Variants in NAALADL2 observed in about 807,000 individuals in gnomAD.
The protein encoded by NAALADL2 is N-acetylated alpha-linked acidic dipeptidase like 2.
In NAALADL2, 76 loss-of-function variants were observed where a neutral mutation model predicts 87.2. That is an observed-to-expected ratio of 0.87 (90% confidence interval 0.72 to 1.05). NAALADL2 has a LOEUF of 1.05. Among genes scored for constraint, NAALADL2 ranks in the 50% least tolerant of loss-of-function variants. NAALADL2 has a pLI of 0.00. For missense variants in NAALADL2, 1,089 were observed against 945.8 expected (o/e 1.15, Z -1.99); for synonymous variants, 354 against 331.0 (o/e 1.07, Z -0.75).
chr3:175,190,118 G>A (rs1737923580), intron 2 of NAALADL2, among the ~76,000 whole-genome samples: 1 of 151,536 alleles, frequency 6.6e-6, no homozygotes, highest in African/African-American at 2.4e-5. Flanking sequence ...AGAGTACATA[G>A]GGGAAAAGCT....
At chr3:175,050,408 C>T (rs1331778586) in intron 1 of NAALADL2, among the ~76,000 whole-genome samples, 11 of 152,036 alleles carry the variant, frequency 7.2e-5, no homozygotes, top group East Asian at 3.9e-4. Flanking sequence ...ATCACAGGGA[C>T]GCACCACCAC....
chr3:175,040,708 T>C (rs529631854), intron 1 of NAALADL2, among the ~76,000 whole-genome samples: 117 of 152,210 alleles, frequency 7.7e-4, no homozygotes, highest in Non-Finnish European at 1.3e-3. Flanking sequence ...AACTATGAAC[T>C]GCTATATAAA....
intron 2 of NAALADL2, among the ~76,000 whole-genome samples, chr3:174,714,533 A>G (rs942693052): frequency 5.9e-5 from 9 of 152,018 alleles, no homozygotes; most frequent in African/African-American, 1.7e-4. Flanking sequence ...CATAAGTTGG[A>G]TTCCTAAGTA....
chr3:175,248,844 C>G (rs1362240144), intron 3 of NAALADL2, among the ~76,000 whole-genome samples: 1 of 152,074 alleles, frequency 6.6e-6, no homozygotes, highest in African/African-American at 2.4e-5. Flanking sequence ...CAAACAAAAA[C>G]TAGGAAGCCT....
intron 11 of NAALADL2, among the ~76,000 whole-genome samples, chr3:175,677,084 G>T (rs1221966418): frequency 2.0e-5 from 3 of 152,154 alleles, no homozygotes; most frequent in East Asian, 1.9e-4. Flanking sequence ...TAAAGGACTG[G>T]CTGGGCATGG....
At chr3:174,869,233 GA>G (rs1433231512) in intron 1 of NAALADL2, among the ~76,000 whole-genome samples, 1 of 152,112 alleles carries the variant, frequency 6.6e-6, no homozygotes, top group African/African-American at 2.4e-5. Flanking sequence ...ATAACTTTAA[GA>G]AGCTTAAAAC....
chr3:175,721,372 G>T (rs921343751), intron 11 of NAALADL2, among the ~76,000 whole-genome samples: 2 of 152,092 alleles, frequency 1.3e-5, no homozygotes, highest in African/African-American at 4.8e-5. Context: ...AAATGCAAAT[G>T]TACCTGTAAT....
intron 1 of NAALADL2, among the ~76,000 whole-genome samples, chr3:174,882,630 C>T (rs996847889): frequency 1.7e-4 from 15 of 87,990 alleles, no homozygotes; most frequent in Middle Eastern, 6.1e-3. Flanking sequence ...CATATATGTG[C>T]ATATACACAT....
At chr3:175,639,879 G>A (rs758176560) in intron 11 of NAALADL2, among the ~76,000 whole-genome samples, 23 of 152,226 alleles carry the variant, frequency 1.5e-4, no homozygotes, top group Non-Finnish European at 1.9e-4. Flanking sequence ...TGCTTGTAGA[G>A]TTTAGCAATC....
intron 2 of NAALADL2, among the ~76,000 whole-genome samples, chr3:174,731,931 G>C (rs527884316): frequency 2.6e-4 from 39 of 152,244 alleles, no homozygotes; most frequent in African/African-American, 9.4e-4. Context: ...TTTTAGGTTT[G>C]TGGGCCAAAT....
chr3:175,654,853 G>C (rs1342075017), intron 11 of NAALADL2, among the ~76,000 whole-genome samples: 2 of 152,046 alleles, frequency 1.3e-5, no homozygotes, highest in African/African-American at 2.4e-5. Flanking sequence ...CAGGGAACCT[G>C]TGTATAGGCC....
chr3:175,672,682 G>T (rs952896024), intron 11 of NAALADL2, among the ~76,000 whole-genome samples: 1 of 152,112 alleles, frequency 6.6e-6, no homozygotes, highest in African/African-American at 2.4e-5. Flanking sequence ...AATCAAAACG[G>T]CAAGGGACAT....
intron 2 of NAALADL2, among the ~76,000 whole-genome samples, chr3:174,568,957 C>T (rs1270206861): frequency 6.6e-6 from 1 of 151,096 alleles, no homozygotes; most frequent in African/African-American, 2.4e-5. Context: ...TTCCAGGTTC[C>T]TAACATTTTA....
chr3:174,903,087 T>C (rs903539378), intron 1 of NAALADL2, among the ~76,000 whole-genome samples: 6 of 152,076 alleles, frequency 3.9e-5, no homozygotes, highest in African/African-American at 1.4e-4. Context: ...AGCCACTATA[T>C]TCATAAGGTA....
intron 1 of NAALADL2, among the ~76,000 whole-genome samples, chr3:174,903,937 G>A (rs186199028): frequency 1.5e-4 from 23 of 149,634 alleles, no homozygotes; most frequent in African/African-American, 4.0e-4. Context: ...GATATTCTTC[G>A]CAGGGCCAGA....
chr3:175,523,192 C>T (rs935917523), intron 9 of NAALADL2, among the ~76,000 whole-genome samples: 1 of 152,076 alleles, frequency 6.6e-6, no homozygotes, highest in Non-Finnish European at 1.5e-5. Flanking sequence ...AAACATTTGG[C>T]GATTTTATTT....
At chr3:175,203,176 A>G (rs1437554461) in intron 2 of NAALADL2, among the ~76,000 whole-genome samples, 1 of 151,854 alleles carries the variant, frequency 6.6e-6, no homozygotes, top group Non-Finnish European at 1.5e-5. Context: ...AATTGTTACA[A>G]AGTTCAGCTG....
intron 13 of NAALADL2, among the ~76,000 whole-genome samples, chr3:175,762,887 A>G (rs1363743037): frequency 6.6e-6 from 1 of 152,154 alleles, no homozygotes; most frequent in Non-Finnish European, 1.5e-5. Flanking sequence ...GACCGAGACC[A>G]TCCTGGCTAA....
chr3:175,352,054 C>T (rs961151306), intron 5 of NAALADL2, among the ~76,000 whole-genome samples: 6 of 151,958 alleles, frequency 3.9e-5, no homozygotes, highest in African/African-American at 4.8e-5. Context: ...ACGCATGCAT[C>T]GAGAGGGTAT....
Sources: gnomAD v4.1 joint callset for allele counts (sites outside exome capture counted in the v4.1 genomes callset) on GRCh38, gnomAD v4.1.1 for gene constraint, MANE v1.5 for transcripts, NCBI Gene and HGNC (gene_info 2026-07-23, HGNC 2026-07-21) for gene names.